The following MNAT1 variants were observed in gnomAD, a reference collection of about 807,000 sequenced individuals.
The protein encoded by MNAT1 is CDK-activating kinase assembly factor MAT1.
In MNAT1, 43 loss-of-function variants were observed where a neutral mutation model predicts 42.0. That is an observed-to-expected ratio of 1.02 (90% CI 0.80 to 1.32). The LOEUF (loss-of-function observed/expected upper bound fraction) is 1.32, where lower values mean the gene tolerates loss of function less well. Among genes scored for constraint, MNAT1 ranks in the 40% most tolerant of loss-of-function variants. The probability of loss-of-function intolerance (pLI) is 0.00; values close to 1 mark genes in which losing one functional copy is unlikely to be tolerated. For missense variants in MNAT1, 306 were observed against 350.4 expected, an observed-to-expected ratio of 0.87 and a Z score of 1.01; for synonymous variants, 118 against 120.0, an observed-to-expected ratio of 0.98 and a Z score of 0.11.
rs929061528 is a variant in MNAT1 at position 60,969,604 on chromosome 14, A to C, written c.*1255A>C. ...AATTAGAATGCAGGTTTTTTTTTTC[A>C]AAGTCCAGTTCCATCTACATTCTAC... On this transcript the variant is annotated 3_prime_UTR_variant, in exon 8 of 8. Transcript: ENST00000261245. 1.3e-5 allele frequency: 2 copies of C among 151,928 alleles called. No homozygotes were observed. Among genetic ancestry groups the C allele is most frequent in the East Asian group, 3.9e-4 (2 of 5,192 alleles). 9.4% of individuals were successfully genotyped at this position (151,928 alleles called of 1,614,324 possible).
chr14:60,777,523 A>G (rs2031297071), intron 1 of MNAT1, among the ~76,000 whole-genome samples: 1 of 151,786 alleles, frequency 6.6e-6, no homozygotes, highest in African/African-American at 2.4e-5. Context: ...ATTTAATCTC[A>G]TGTATTTTCT....
rs1161261899 is a variant in MNAT1 at position 60,885,388 on chromosome 14, ATTTTG to A, written c.809+5563_809+5567del. Among the ~76,000 whole-genome samples the A allele has an allele frequency of 2.6e-5, 4 of 151,070 alleles. No homozygotes were observed. The East Asian group carries it at 7.8e-4, about 29-fold the overall frequency. On this transcript the variant is annotated intron_variant, in intron 7 of 7. Coordinates refer to ENST00000261245, the MANE Select transcript of MNAT1 (RefSeq NM_002431.4). ...CATGCTTCATTGTTTTTTATTGTTA[ATTTTG>A]TTTTGTTTTCTTTGACTGTATTTTC...
At chr14:60,913,741 G>T (rs2035444412) in intron 7 of MNAT1, among the ~76,000 whole-genome samples, 1 of 152,160 alleles carries the variant, frequency 6.6e-6, no homozygotes, top group Non-Finnish European at 1.5e-5. Flanking sequence ...GCCCCTACTG[G>T]GGGGTACCTC....
rs796953305 is a variant in MNAT1 at position 60,746,929 on chromosome 14, C to G, written c.89+11978C>G. ...ATATATATATATATATATATACACA[C>G]ACACACACACACACACACACACACA... On this transcript the variant is annotated intron_variant, in intron 1 of 7. Coordinates refer to ENST00000261245, the MANE Select transcript of MNAT1 (RefSeq NM_002431.4). 9.5e-3 allele frequency among the ~76,000 whole-genome samples: 74 copies of G among 7,790 alleles called. 7 individuals are homozygous for G. Among genetic ancestry groups the G allele is most frequent in the Admixed American group, 8.5e-3 (4 of 472 alleles). 5.1% of individuals were successfully genotyped at this position (7,790 alleles called of 152,430 possible). A position where few individuals can be genotyped will look rare whatever the true frequency, so the allele number is the denominator to read the frequency against.
chr14:60,911,372 A>T (rs2035357023), intron 7 of MNAT1, among the ~76,000 whole-genome samples: 1 of 151,716 alleles, frequency 6.6e-6, no homozygotes, highest in Non-Finnish European at 1.5e-5. Flanking sequence ...CTAGCTTTTG[A>T]ATGTGTTTGC....
intron 1 of MNAT1, among the ~76,000 whole-genome samples, chr14:60,785,798 G>C (rs1008836977): frequency 1.3e-5 from 2 of 152,130 alleles, no homozygotes; most frequent in African/African-American, 4.8e-5. Context: ...AAGGCACCTG[G>C]CATAGTACTG....
At chr14:60,765,521 T>C (rs1211182067) in intron 1 of MNAT1, among the ~76,000 whole-genome samples, 3 of 152,174 alleles carry the variant, frequency 2.0e-5, no homozygotes, top group South Asian at 4.1e-4. Flanking sequence ...TAAAGTATAA[T>C]TTAAAAAATT....
In MNAT1 at chr14:60,740,983, G is replaced by A. The variant is rs929017601; in HGVS notation, c.89+6032G>A. On this transcript the variant is annotated intron_variant, in intron 1 of 7. Transcript: ENST00000261245. The surrounding 1 kb of genome is among the most constrained non-coding windows in gnomAD (Gnocchi z 4.1). ...ATTACTCCACTATGATTATAGATTT[G>A]TCAGTTTTTCTTGTAAGTTTTGTCA... Among the ~76,000 whole-genome samples, 14 of 152,064 alleles carry A rather than the reference G, an allele frequency of 9.2e-5. No individual in the cohort carries two copies. The highest frequency in any genetic ancestry group is 9.2e-4 in the Admixed American group (14 of 15,248).
chr14:60,847,063 A>G (rs1300461507), intron 6 of MNAT1, among the ~76,000 whole-genome samples: 1 of 152,064 alleles, frequency 6.6e-6, no homozygotes, highest in Non-Finnish European at 1.5e-5. Flanking sequence ...TGACCCTTTT[A>G]TCATTATGAA....
intron 7 of MNAT1, among the ~76,000 whole-genome samples, chr14:60,889,230 T>G (rs1003533036): frequency 6.6e-6 from 1 of 152,194 alleles, no homozygotes; most frequent in Non-Finnish European, 1.5e-5. Flanking sequence ...CAAAACGGCA[T>G]GGCACTGGTA....
At chr14:60,810,365 A>G (rs2032505232) in intron 4 of MNAT1, among the ~76,000 whole-genome samples, 1 of 151,356 alleles carries the variant, frequency 6.6e-6, no homozygotes, top group Non-Finnish European at 1.5e-5. Flanking sequence ...ATTTATTTTA[A>G]TCCTTTGTTC....
intron 6 of MNAT1, among the ~76,000 whole-genome samples, chr14:60,830,240 A>C (rs1206402370): frequency 1.3e-5 from 2 of 152,218 alleles, no homozygotes; most frequent in Non-Finnish European, 2.9e-5. Flanking sequence ...GAATTTAGCC[A>C]AGTTTATTCC....
At chr14:60,738,140 A>G (rs1426979225) in intron 1 of MNAT1, among the ~76,000 whole-genome samples, 3 of 150,356 alleles carry the variant, frequency 2.0e-5, no homozygotes, top group African/African-American at 7.3e-5. Flanking sequence ...GGAGATTCCT[A>G]TTGCCACACA....
intron 1 of MNAT1, among the ~76,000 whole-genome samples, chr14:60,783,163 G>T (rs1051937123): frequency 6.6e-6 from 1 of 152,102 alleles, no homozygotes; most frequent in South Asian, 2.1e-4. Context: ...AAGACCTGTT[G>T]GTTTGAATAC....
chr14:60,904,916 A>G (rs1450680254), intron 7 of MNAT1, among the ~76,000 whole-genome samples: 1 of 150,360 alleles, frequency 6.7e-6, no homozygotes, highest in African/African-American at 2.4e-5. Flanking sequence ...TCCATTGGGA[A>G]ATGAAACCTC....
chr14:60,862,414 T>A (rs948115337), intron 6 of MNAT1, among the ~76,000 whole-genome samples: 2 of 152,208 alleles, frequency 1.3e-5, no homozygotes, highest in Non-Finnish European at 2.9e-5. Flanking sequence ...AGATTATACT[T>A]GGCTGTATGT....
At chr14:60,827,722 T>C (rs1375161053) in intron 6 of MNAT1, among the ~76,000 whole-genome samples, 7 of 152,202 alleles carry the variant, frequency 4.6e-5, no homozygotes, top group Admixed American at 2.0e-4. Flanking sequence ...TCTTGTGATA[T>C]GCACATAGCA....
At chr14:60,917,010 T>C (rs1489497911) in intron 7 of MNAT1, among the ~76,000 whole-genome samples, 1 of 152,092 alleles carries the variant, frequency 6.6e-6, no homozygotes, top group East Asian at 1.9e-4. Flanking sequence ...CCTGTAAGCA[T>C]TGGCTTTTAA....
At chr14:60,893,697 G>C (rs2034891433) in intron 7 of MNAT1, among the ~76,000 whole-genome samples, 1 of 152,056 alleles carries the variant, frequency 6.6e-6, no homozygotes, top group Non-Finnish European at 1.5e-5. Context: ...CTTGCTTTTA[G>C]TGTGAGGCCT....
Sources: gnomAD v4.1 joint callset for allele counts (sites outside exome capture counted in the v4.1 genomes callset) on GRCh38, gnomAD v4.1.1 for gene constraint, Gnocchi (gnomAD v3.1) non-coding constraint, MANE v1.5 for transcripts, NCBI Gene and HGNC (gene_info 2026-07-23, HGNC 2026-07-21) for gene names.